REXO4: variants seen among roughly 807,000 people sequenced by gnomAD.
The protein encoded by REXO4 is RNA exonuclease 4, also known as REX4 homolog, 3'-5' exonuclease.
REXO4 carries 29 observed loss-of-function variants against 39.9 expected under a neutral mutation model. The ratio of observed to expected loss-of-function variants is 0.73; its 90% CI spans 0.54 to 0.99. REXO4 has a LOEUF of 0.99. REXO4 is among the 50% of genes least tolerant of loss of function. The pLI is 0.00. For missense variants in REXO4, 524 were observed against 546.5 expected (o/e 0.96, Z 0.41); for synonymous variants, 184 against 206.2 (o/e 0.89, Z 0.92).
rs782771410 is a variant in REXO4 at position 133,407,116 on chromosome 9, C to T, written c.1150-44G>A. On this transcript the variant is annotated intron_variant, in intron 7 of 7. Coordinates refer to ENST00000371942, the MANE Select transcript of REXO4 (RefSeq NM_020385.4). ...CCCAGCAGGTGACGAGGCATAGCCG[C>T]AGCCCACAGTCAACCCCACAATGAC... 4 of 1,607,868 alleles carry T rather than the reference C, an allele frequency of 2.5e-6. No homozygotes were observed. In the South Asian group the frequency reaches 3.3e-5, roughly 13 times the overall value.
chr9:133,418,002 G>T lies in REXO4; in HGVS notation c.-158C>A. 1 of 663,582 alleles carries T rather than the reference G, an allele frequency of 1.5e-6. No homozygotes were observed. The highest frequency in any genetic ancestry group is 2.5e-6 in the Non-Finnish European group (1 of 395,840). The allele number at this position is 663,582 out of a possible 1,614,324, so 41.1% of individuals were successfully genotyped here. A position where few individuals can be genotyped will look rare whatever the true frequency, so the allele number is the denominator to read the frequency against. ...AGACTCCGGAAGAGACCCCGCACGC[G>T]TTGCGCATACCTCAGCACGCACGCT... On this transcript the variant is annotated 5_prime_UTR_variant, in exon 1 of 8. Coordinates refer to ENST00000371942, the MANE Select transcript of REXO4 (RefSeq NM_020385.4).
chr9:133,415,030 T>A lies in REXO4; in HGVS notation c.226-19A>T, dbSNP rs782541582. ...GCAGCCACTGGGACCCAAAATAAAATACATGCTGCATTTGAATTTGGAAAT... is the reference window on the plus strand; with the variant it reads ...GCAGCCACTGGGACCCAAAATAAAAAACATGCTGCATTTGAATTTGGAAAT... On this transcript the variant is annotated intron_variant, in intron 1 of 7. Coordinates refer to ENST00000371942, the MANE Select transcript of REXO4 (RefSeq NM_020385.4). 6.4e-7 allele frequency: 1 copy of A among 1,562,302 alleles called. No individual in the cohort carries two copies. Among genetic ancestry groups the A allele is most frequent in the South Asian group, 1.2e-5 (1 of 82,310 alleles).
intron 5 of REXO4, among the ~76,000 whole-genome samples, chr9:133,409,761 C>T (rs1273287567): frequency 1.3e-5 from 2 of 152,140 alleles, no homozygotes; most frequent in African/African-American, 2.4e-5. Context: ...GGGGTCTCCC[C>T]TATGTTACTC....
intron 5 of REXO4, 102 bp from the exon 6 acceptor site, chr9:133,408,944 G>A (rs1588130115): frequency 1.9e-5 from 7 of 373,468 alleles, no homozygotes; most frequent in East Asian, 8.0e-5. Context: ...TTGTGTGTGT[G>A]TGTGTGTGTG....
rs1187204245 is a variant in REXO4 at position 133,407,811 on chromosome 9, C to T, written c.1145G>A (p.Cys382Tyr). ...LGLQVQQAEH[C>Y]SIQDAQAAMR... ...TACCCCACAGGACACACTTACTGAACAGTGCTCCGCCTGCTGGACCTGGAG... is the reference window on the plus strand; with the variant it reads ...TACCCCACAGGACACACTTACTGAATAGTGCTCCGCCTGCTGGACCTGGAG... Residue 382 changes from cysteine (C) to tyrosine (Y), a missense_variant, in exon 7 of 8, where the codon TGT (cysteine) becomes TAT (tyrosine). Physicochemically the swap from Cys to Tyr is radical, Grantham distance 194. Coordinates refer to ENST00000371942, the MANE Select transcript of REXO4 (RefSeq NM_020385.4). The T allele has an allele frequency of 1.2e-6, 2 of 1,613,774 alleles. No homozygotes were observed. The highest frequency in any genetic ancestry group is 1.7e-6 in the Non-Finnish European group (2 of 1,179,820).
chr9:133,417,584 T>C lies in REXO4; in HGVS notation c.225+36A>G, dbSNP rs201504589. On this transcript the variant is annotated intron_variant, in intron 1 of 7. Transcript: ENST00000371942. ...TCCGTCGCGTTCTGCGGGAATGAGCTGCGCAGCGCTCCGCCCGGGCCCCCT... is the reference window on the plus strand; with the variant it reads ...TCCGTCGCGTTCTGCGGGAATGAGCCGCGCAGCGCTCCGCCCGGGCCCCCT... 284 of 1,602,018 alleles carry C rather than the reference T, an allele frequency of 1.8e-4. 2 individuals are homozygous for C. In the East Asian group the frequency reaches 5.2e-3, roughly 29 times the overall value.
In REXO4 at chr9:133,406,602, G is replaced by T; in HGVS notation, c.*351C>A. The T allele has an allele frequency of 3.3e-6, 1 of 303,126 alleles. No individual in the cohort carries two copies. Among genetic ancestry groups the T allele is most frequent in the East Asian group, 6.9e-5 (1 of 14,422 alleles). The allele number at this position is 303,126 out of a possible 1,614,324, so 18.8% of individuals were successfully genotyped here. A position where few individuals can be genotyped will look rare whatever the true frequency, so the allele number is the denominator to read the frequency against. ...AAGGTGCTGAGCACCTCACCCCAGG[G>T]TGTCACCGAAGATGGGCAGTGACAG... is the stretch of plus-strand genomic sequence containing the variant. On this transcript the variant is annotated 3_prime_UTR_variant, in exon 8 of 8. Transcript: ENST00000371942.
chr9:133,413,692 T>G (rs71503189), intron 2 of REXO4, among the ~76,000 whole-genome samples: 8,762 of 152,260 alleles, frequency 0.058, 338 homozygotes, highest in Non-Finnish European at 0.087. Flanking sequence ...TAAATGTCAT[T>G]TCCTTAGAAA....
rs587750165 is a variant in REXO4, at chr9:133,414,487, T to C, written c.572+178A>G. On this transcript the variant is annotated intron_variant, in intron 2 of 7. Coordinates refer to ENST00000371942, the MANE Select transcript of REXO4 (RefSeq NM_020385.4). ...CTCAACGCTCGGAAGAAGCAGGCCCTGCCTTATCATGCGCACACTCTAGGG... is the reference window on the plus strand; with the variant it reads ...CTCAACGCTCGGAAGAAGCAGGCCCCGCCTTATCATGCGCACACTCTAGGG... The C allele has an allele frequency of 1.7e-3, 1,218 of 718,816 alleles. 19 individuals are homozygous for C. The South Asian group carries it at 0.017, about 10-fold the overall frequency. 44.5% of individuals were successfully genotyped at this position (718,816 alleles called of 1,614,324 possible).
At chr9:133,416,296 T>A (rs7022611) in intron 1 of REXO4, among the ~76,000 whole-genome samples, 9,245 of 152,226 alleles carry the variant, frequency 0.061, 861 homozygotes, top group African/African-American at 0.2. Context: ...AAGTCATTCA[T>A]GAGGGATCTA....
At chr9:133,409,371 G>A (rs938789900) in intron 5 of REXO4, among the ~76,000 whole-genome samples, 4 of 152,160 alleles carry the variant, frequency 2.6e-5, no homozygotes, top group Non-Finnish European at 4.4e-5. Context: ...ACTGACTTAA[G>A]CTGATGCCCA....
chr9:133,411,211 C>T (rs1330360358), intron 4 of REXO4, 138 bp from the exon 5 acceptor site: 7 of 719,636 alleles, frequency 9.7e-6, no homozygotes, highest in Admixed American at 2.1e-5. Flanking sequence ...GAGGGTGACT[C>T]GAAGCCACCA....
At chr9:133,415,140 T>G in intron 1 of REXO4, 129 bp from the exon 2 acceptor site, 1 of 711,180 alleles carries the variant, frequency 1.4e-6, no homozygotes, top group Non-Finnish European at 2.3e-6. Context: ...CCCATCCGCA[T>G]CACTGAAATT....
At chr9:133,409,842 C>T (rs1839118330) in intron 5 of REXO4, among the ~76,000 whole-genome samples, 1 of 152,214 alleles carries the variant, frequency 6.6e-6, no homozygotes, top group East Asian at 1.9e-4. Context: ...CGATTACAGG[C>T]ATAAGCCACT....
chr9:133,417,771 G>T lies in REXO4; in HGVS notation c.74C>A (p.Thr25Lys). The T allele has an allele frequency of 6.2e-7, 1 of 1,611,888 alleles. No individual in the cohort carries two copies. ...SPVAKPGPVK[T>K]LTRKKNKKKK... Reference sequence around the variant, plus strand: ...CTTCTTGTTTTTCTTCCGAGTGAGCGTCTTGACAGGACCCGGCTTAGCCAC... The same window carrying T: ...CTTCTTGTTTTTCTTCCGAGTGAGCTTCTTGACAGGACCCGGCTTAGCCAC... Residue 25 changes from threonine to lysine, a missense_variant, in exon 1 of 8, where the codon ACG (threonine) becomes AAG (lysine). Physicochemically the swap from Thr to Lys is moderately conservative, Grantham distance 78. Transcript: ENST00000371942.
chr9:133,417,912 G>T lies in REXO4; in HGVS notation c.-68C>A. ...CCGGCCTCCCCGGGCCCGGCGCCCTGGCAGCACAAGCGCCTGCCCAGGCCA... is the reference window on the plus strand; with the variant it reads ...CCGGCCTCCCCGGGCCCGGCGCCCTTGCAGCACAAGCGCCTGCCCAGGCCA... On this transcript the variant is annotated 5_prime_UTR_variant, in exon 1 of 8. Transcript: ENST00000371942. 1 of 1,467,962 alleles carries T rather than the reference G, an allele frequency of 6.8e-7. No individual in the cohort carries two copies. The highest frequency in any genetic ancestry group is 9.1e-7 in the Non-Finnish European group (1 of 1,093,648). 90.9% of individuals were successfully genotyped at this position (1,467,962 alleles called of 1,614,324 possible).
At chr9:133,412,630 GCT>G in intron 3 of REXO4, 138 bp from the exon 4 acceptor site, 1 of 1,397,688 alleles carries the variant, frequency 7.2e-7, no homozygotes, top group Non-Finnish European at 9.8e-7. Flanking sequence ...CACGTGACAA[GCT>G]CTGTGTGGTC....
chr9:133,413,957 C>T (rs908715517), intron 2 of REXO4, among the ~76,000 whole-genome samples: 3 of 152,244 alleles, frequency 2.0e-5, no homozygotes, highest in Admixed American at 1.3e-4. Context: ...GTGTCCTGAA[C>T]ACCCAGGCAA....
intron 7 of REXO4, among the ~76,000 whole-genome samples, chr9:133,407,334 A>G (rs1838943360): frequency 6.6e-6 from 1 of 152,156 alleles, no homozygotes; most frequent in Non-Finnish European, 1.5e-5. Context: ...AGAAGCAACA[A>G]ACACGCTGCC....
Sources: allele counts gnomAD v4.1 joint callset (sites outside exome capture counted in the v4.1 genomes callset), GRCh38; gene constraint gnomAD v4.1.1; transcripts MANE v1.5; gene names NCBI Gene and HGNC (gene_info 2026-07-23, HGNC 2026-07-21).